Variants in PAPSS1 observed in about 807,000 individuals in gnomAD.
The protein encoded by PAPSS1 is bifunctional 3'-phosphoadenosine 5'-phosphosulfate synthase 1.
Under a neutral mutation model 72.0 loss-of-function variants are expected in PAPSS1, and 50 were observed. The ratio of observed to expected loss-of-function variants is 0.69; its 90% CI spans 0.55 to 0.88. The LOEUF is 0.88. Among genes scored for constraint, PAPSS1 ranks in the 40% least tolerant of loss-of-function variants. The pLI, the probability that PAPSS1 is intolerant of heterozygous loss-of-function variation, is 0.00. For synonymous variants in PAPSS1, 261 were observed against 263.6 expected (o/e 0.99, Z 0.09); for missense variants, 657 against 782.2 (o/e 0.84, Z 1.91).
At position 107,631,596 on chromosome 4, in the gene PAPSS1, A is replaced by G. The variant is rs745406892; in HGVS notation, c.1736+35T>C. 3.2e-5 allele frequency: 47 copies of G among 1,454,484 alleles called. 1 individual carries two copies. The Admixed American group carries it at 8.3e-4, about 26-fold the overall frequency. The allele number at this position is 1,454,484 out of a possible 1,614,324, so 90.1% of individuals were successfully genotyped here. ...CCTGGGAGCAGCTAGACCACGAAGT[A>G]CTTCAAAGATTTGTACAGAGAATGT... On this transcript the variant is annotated intron_variant, in intron 11 of 11. Coordinates refer to ENST00000265174, the MANE Select transcript of PAPSS1 (RefSeq NM_005443.5).
At chr4:107,706,918 C>T (rs1271030093) in intron 1 of PAPSS1, among the ~76,000 whole-genome samples, 1 of 152,152 alleles carries the variant, frequency 6.6e-6, no homozygotes, top group Non-Finnish European at 1.5e-5. Flanking sequence ...ATGTGGAAGC[C>T]TAGGTCTACA....
chr4:107,671,338 C>T (rs1727462066), intron 5 of PAPSS1, among the ~76,000 whole-genome samples: 1 of 150,942 alleles, frequency 6.6e-6, no homozygotes, highest in African/African-American at 2.4e-5. Context: ...GGAAAAGTGT[C>T]AAACCCAAAG....
At chr4:107,652,610 T>G (rs1242160355) in intron 9 of PAPSS1, among the ~76,000 whole-genome samples, 1 of 152,168 alleles carries the variant, frequency 6.6e-6, no homozygotes, top group Admixed American at 6.5e-5. Flanking sequence ...CCTCAGCACA[T>G]GGCATACTGG....
At chr4:107,653,392 C>G (rs762770365) in intron 9 of PAPSS1, 99 bp downstream of exon 9, 1 of 1,090,964 alleles carries the variant, frequency 9.2e-7, no homozygotes, top group Non-Finnish European at 1.3e-6. Flanking sequence ...CTATATTTAC[C>G]TGTACTCATC....
In PAPSS1 at chr4:107,614,198, C is replaced by T. The variant is rs369107022; in HGVS notation, c.*51G>A. 9.9e-5 allele frequency: 155 copies of T among 1,558,442 alleles called. No homozygotes were observed. In the Middle Eastern group the frequency reaches 1.5e-3, roughly 15 times the overall value. On this transcript the variant is annotated 3_prime_UTR_variant, in exon 12 of 12. Coordinates refer to ENST00000265174, the MANE Select transcript of PAPSS1 (RefSeq NM_005443.5). ...GAAATGCCAACAGAGACTATGTGGT[C>T]CCCTCTTGTTACTAGTAATGTGTCA...
intron 5 of PAPSS1, among the ~76,000 whole-genome samples, chr4:107,661,794 C>G (rs923796764): frequency 2.0e-5 from 3 of 152,078 alleles, no homozygotes; most frequent in African/African-American, 7.2e-5. Context: ...TTTGGTCTTA[C>G]ATGACATGTT....
intron 11 of PAPSS1, among the ~76,000 whole-genome samples, chr4:107,622,357 G>GAGC (rs1725986805): frequency 6.6e-6 from 1 of 152,118 alleles, no homozygotes; most frequent in South Asian, 2.1e-4. Context: ...AGTTGACTAA[G>GAGC]AGCAGCATAT....
chr4:107,694,074 T>C, intron 2 of PAPSS1, 68 bp from the exon 3 acceptor site: 1 of 1,142,424 alleles, frequency 8.8e-7, no homozygotes, highest in Non-Finnish European at 1.3e-6. Context: ...GTAATACTTT[T>C]TTTTTCCCAG....
At chr4:107,656,658 C>T (rs1727018969) in intron 7 of PAPSS1, among the ~76,000 whole-genome samples, 1 of 152,156 alleles carries the variant, frequency 6.6e-6, no homozygotes, top group African/African-American at 2.4e-5. Context: ...CCATCCTCAG[C>T]CCTGATTCCC....
intron 11 of PAPSS1, among the ~76,000 whole-genome samples, chr4:107,625,379 G>A (rs1726063784): frequency 6.6e-6 from 1 of 152,180 alleles, no homozygotes; most frequent in African/African-American, 2.4e-5. Flanking sequence ...CAGAAGGGAA[G>A]TCAGAGAGAT....
At position 107,704,872 on chromosome 4, in the gene PAPSS1, A is replaced by G. The variant is rs190555695; in HGVS notation, c.61-3587T>C. On this transcript the variant is annotated intron_variant, in intron 1 of 11. Transcript: ENST00000265174. Reference sequence around the variant, plus strand: ...AGGCTGAGGCAGGAGAATTGCTTGAACCCAGGAGGCGGAGGTTGCAGTGAG... The same window carrying G: ...AGGCTGAGGCAGGAGAATTGCTTGAGCCCAGGAGGCGGAGGTTGCAGTGAG... Among the ~76,000 whole-genome samples, 824 of 151,612 alleles carry G rather than the reference A, an allele frequency of 5.4e-3. 8 individuals are homozygous for G. Among genetic ancestry groups the G allele is most frequent in the African/African-American group, 0.019 (773 of 41,298 alleles).
chr4:107,711,355 A>G (rs772809813), intron 1 of PAPSS1, among the ~76,000 whole-genome samples: 28 of 152,236 alleles, frequency 1.8e-4, no homozygotes, highest in Middle Eastern at 3.2e-3. Context: ...CATCAATGAC[A>G]CAAGTGGCCC....
intron 10 of PAPSS1, among the ~76,000 whole-genome samples, chr4:107,634,768 A>G (rs771865915): frequency 6.6e-6 from 1 of 151,608 alleles, no homozygotes; most frequent in South Asian, 2.1e-4. Flanking sequence ...AATATTCACA[A>G]GATCTAAAAT....
intron 1 of PAPSS1, among the ~76,000 whole-genome samples, chr4:107,706,349 A>G (rs1723340527): frequency 6.6e-6 from 1 of 152,094 alleles, no homozygotes; most frequent in Non-Finnish European, 1.5e-5. Context: ...TCCTCTAACT[A>G]TGGAAGAAAT....
At chr4:107,695,884 T>G (rs1723051793) in intron 2 of PAPSS1, among the ~76,000 whole-genome samples, 1 of 151,720 alleles carries the variant, frequency 6.6e-6, no homozygotes, top group South Asian at 2.1e-4. Context: ...ACAGAAGAAA[T>G]AAACAACCCC....
intron 4 of PAPSS1, among the ~76,000 whole-genome samples, chr4:107,683,473 G>T (rs1722687343): frequency 6.6e-6 from 1 of 152,134 alleles, no homozygotes; most frequent in African/African-American, 2.4e-5. Flanking sequence ...GATTTCACTA[G>T]TCTGGGGTAC....
At chr4:107,708,416 G>T (rs1306281790) in intron 1 of PAPSS1, among the ~76,000 whole-genome samples, 3 of 152,196 alleles carry the variant, frequency 2.0e-5, no homozygotes, top group Admixed American at 1.3e-4. Flanking sequence ...TACACATTTT[G>T]CTGCCTATAC....
In PAPSS1 at chr4:107,631,819, G is replaced by C; in HGVS notation, c.1548C>G (p.Asn516Lys). 2 of 1,614,072 alleles carry C rather than the reference G, an allele frequency of 1.2e-6. No homozygotes were observed. The highest frequency in any genetic ancestry group is 1.1e-5 in the South Asian group (1 of 91,086). Residue 516 changes from asparagine (N) to lysine (K), a missense_variant, in exon 11 of 12, where the codon AAC (asparagine) becomes AAG (lysine). Physicochemically the swap from Asn to Lys is moderately conservative, Grantham distance 94 (BLOSUM62 0). Around this residue, in one of 7 missense-constraint regions of PAPSS1, gnomAD observed 166 missense variants for 228.3 expected, o/e 0.73. Coordinates refer to ENST00000265174, the MANE Select transcript of PAPSS1 (RefSeq NM_005443.5). ...HCRARMVAGA[N>K]FYIVGRDPAG... ...CAGGGTCTCGTCCAACAATGTAAAA[G>C]TTGGCTCCTGCAACCATCCGTGCTC...
intron 4 of PAPSS1, among the ~76,000 whole-genome samples, chr4:107,685,814 T>C (rs538336519): frequency 6.6e-5 from 10 of 152,324 alleles, no homozygotes; most frequent in African/African-American, 2.4e-4. Context: ...CTGTATCTTT[T>C]TGTTTTCAGG....
Sources: allele counts gnomAD v4.1 joint callset (sites outside exome capture counted in the v4.1 genomes callset), GRCh38; gene constraint gnomAD v4.1.1; regional missense constraint gnomAD v4.1.1; transcripts MANE v1.5; gene names NCBI Gene and HGNC (gene_info 2026-07-23, HGNC 2026-07-21).